Variants in FGD5 observed in about 807,000 individuals in gnomAD.
The protein encoded by FGD5 is FYVE, RhoGEF and PH domain containing 5, also known as FYVE, RhoGEF and PH domain-containing protein 5.
In FGD5, 28 loss-of-function variants were observed where a neutral mutation model predicts 133.4. That is an observed-to-expected ratio of 0.21 (90% CI 0.16 to 0.29). FGD5 has a LOEUF of 0.29. Ranked by LOEUF, FGD5 falls within the 10% of genes least tolerant of loss-of-function variation. The pLI is 1.00. For synonymous variants in FGD5, 810 were observed against 776.5 expected, an observed-to-expected ratio of 1.04 and a Z score of -0.72; for missense variants, 1,858 against 1,895.2, an observed-to-expected ratio of 0.98 and a Z score of 0.36.
intron 1 of FGD5, among the ~76,000 whole-genome samples, chr3:14,822,739 A>G (rs1203613464): frequency 6.6e-6 from 1 of 152,208 alleles, no homozygotes; most frequent in African/African-American, 2.4e-5. Flanking sequence ...GAGAAACAAA[A>G]GTGGTTGTGA....
At chr3:14,893,752 C>CTTT (rs138741627) in intron 4 of FGD5, among the ~76,000 whole-genome samples, 1,352 of 94,972 alleles carry the variant, frequency 0.014, 102 homozygotes, top group East Asian at 0.032. Context: ...TTTCTTTTTT[C>CTTT]TTTTTTTTTT....
At chr3:14,894,751 T>A (rs1266824746) in intron 4 of FGD5, among the ~76,000 whole-genome samples, 1 of 151,350 alleles carries the variant, frequency 6.6e-6, no homozygotes, top group African/African-American at 2.4e-5. Context: ...CCTCAAGTGA[T>A]CCTCCCAGTA....
At chr3:14,827,437 A>G (rs1033508710) in intron 1 of FGD5, among the ~76,000 whole-genome samples, 2 of 151,522 alleles carry the variant, frequency 1.3e-5, no homozygotes, top group Non-Finnish European at 2.9e-5. Flanking sequence ...GCCCGCCACC[A>G]TGGGTGGCTA....
intron 4 of FGD5, among the ~76,000 whole-genome samples, chr3:14,887,866 T>A (rs1392855305): frequency 6.6e-6 from 1 of 151,984 alleles, no homozygotes; most frequent in African/African-American, 2.4e-5. Flanking sequence ...TGGAGGTCAG[T>A]TAAGAATGGC....
intron 9 of FGD5, among the ~76,000 whole-genome samples, chr3:14,902,846 C>T (rs919759047): frequency 6.6e-5 from 10 of 152,226 alleles, no homozygotes; most frequent in Admixed American, 6.5e-4. Flanking sequence ...GGCAGGGATA[C>T]ATCTTCCCTC....
intron 9 of FGD5, among the ~76,000 whole-genome samples, chr3:14,902,281 T>TA (rs34728691): frequency 0.48 from 59,863 of 124,284 alleles, 14,714 homozygotes; most frequent in Non-Finnish European, 0.57. Context: ...GATTCCATCT[T>TA]AAAAAAAAAA....
At chr3:14,923,459 A>C in intron 16 of FGD5, 1 of 430,726 alleles carries the variant, frequency 2.3e-6, no homozygotes, top group Non-Finnish European at 4.3e-6. Flanking sequence ...GTCCTTTACC[A>C]TAGAGGCCCT....
At chr3:14,914,185 AAC>A (rs2038506326) in intron 11 of FGD5, among the ~76,000 whole-genome samples, 1 of 152,244 alleles carries the variant, frequency 6.6e-6, no homozygotes, top group Non-Finnish European at 1.5e-5. Flanking sequence ...ATGGTGAACA[AAC>A]ACACTTAGGA....
chr3:14,842,974 A>G (rs976963667), intron 1 of FGD5, among the ~76,000 whole-genome samples: 1 of 151,596 alleles, frequency 6.6e-6, no homozygotes, highest in African/African-American at 2.4e-5. Flanking sequence ...CCTCCTCCTC[A>G]CTGTTGAAAT....
rs2036476120 is a variant in FGD5 at position 14,820,699 on chromosome 3, C to T, written c.1628C>T (p.Ala543Val). The change falls in exon 1 of 20, where the codon GCC becomes GTC. Residue 543 changes from alanine to valine, a missense_variant. This residue lies in a region of FGD5 where 1,824 missense variants were observed against 1,848.9 expected (regional missense o/e 0.99). Transcript: ENST00000285046. Reference sequence around the variant, plus strand: ...AGGGCCTTGCCAGCAAAGCCCAGGGCCTTTACTTTATACCCTCGGTCGTTC... The same window carrying T: ...AGGGCCTTGCCAGCAAAGCCCAGGGTCTTTACTTTATACCCTCGGTCGTTC... The part of the protein sequence containing the change: ...ASRALPAKPR[A>V]FTLYPRSFSV... 1 of 1,593,738 alleles carries T rather than the reference C, an allele frequency of 6.3e-7. No individual in the cohort carries two copies. The highest frequency in any genetic ancestry group is 2.2e-5 in the East Asian group (1 of 44,764).
intron 17 of FGD5, 40 bp downstream of exon 17, chr3:14,924,178 T>A (rs1226754771): frequency 6.2e-7 from 1 of 1,613,520 alleles, no homozygotes; most frequent in Non-Finnish European, 8.5e-7. Flanking sequence ...AGTAGGGCAT[T>A]TGGAAGGTTC....
rs576612858 is a variant in FGD5 at position 14,897,364 on chromosome 3, G to A, written c.2749-145G>A. 10 of 920,676 alleles carry A rather than the reference G, an allele frequency of 1.1e-5. No homozygotes were observed. The South Asian group carries it at 1.7e-4, about 15-fold the overall frequency. 57.0% of individuals were successfully genotyped at this position (920,676 alleles called of 1,614,324 possible). ...GTGGTCATCTCTGCTTTGTAGGTGA[G>A]ACTGTTGGGTCTGGAGACACTGGCT... is the stretch of plus-strand genomic sequence containing the variant. On this transcript the variant is annotated intron_variant, in intron 4 of 19. Transcript: ENST00000285046.
intron 4 of FGD5, among the ~76,000 whole-genome samples, chr3:14,895,980 T>A (rs1376685848): frequency 6.6e-6 from 1 of 151,934 alleles, no homozygotes; most frequent in Admixed American, 6.6e-5. Flanking sequence ...AGCATTTCCA[T>A]ATACCCAAAG....
At position 14,820,237 on chromosome 3, in the gene FGD5, T is replaced by A; in HGVS notation, c.1166T>A (p.Met389Lys). The change falls in exon 1 of 20, where the codon ATG becomes AAG. Residue 389 changes from methionine (M) to lysine (K), a missense_variant. By Grantham distance (95) the Met-to-Lys change is moderately conservative (BLOSUM62 -1). This residue lies in a region of FGD5 where 1,824 missense variants were observed against 1,848.9 expected (regional missense o/e 0.99). Coordinates refer to ENST00000285046, the MANE Select transcript of FGD5 (RefSeq NM_152536.4). ...GGGCTGCGTGCGGAGGAGAACCCCA[T>A]GGTGGGGGCTTTGTGTGGCCAGTGT... Reference protein sequence around the residue: ...KLGLRAEENPMVGALCGQCGS... With the variant: ...KLGLRAEENPKVGALCGQCGS... The A allele has an allele frequency of 6.2e-7, 1 of 1,605,646 alleles. No homozygotes were observed. The highest frequency in any genetic ancestry group is 8.5e-7 in the Non-Finnish European group (1 of 1,175,034).
chr3:14,846,159 G>C (rs535647926), intron 1 of FGD5, among the ~76,000 whole-genome samples: 1 of 152,320 alleles, frequency 6.6e-6, no homozygotes, highest in South Asian at 2.1e-4. Context: ...GAACCCGTGT[G>C]GCTGGTGCAA....
intron 4 of FGD5, 127 bp downstream of exon 4, chr3:14,880,899 T>C: frequency 8.2e-7 from 1 of 1,217,938 alleles, no homozygotes; most frequent in Non-Finnish European, 1.2e-6. Flanking sequence ...AGGCAGGCAC[T>C]CACCGACGCT....
intron 9 of FGD5, among the ~76,000 whole-genome samples, chr3:14,904,243 G>A (rs2038295287): frequency 6.6e-6 from 1 of 152,134 alleles, no homozygotes; most frequent in African/African-American, 2.4e-5. Flanking sequence ...GGAGCGGGGG[G>A]TTATGCTCCC....
intron 4 of FGD5, among the ~76,000 whole-genome samples, chr3:14,881,189 G>A (rs1187433524): frequency 3.3e-5 from 5 of 152,088 alleles, no homozygotes; most frequent in Non-Finnish European, 7.4e-5. Context: ...AGCAGCTGAG[G>A]GTATCAAGAG....
intron 18 of FGD5, among the ~76,000 whole-genome samples, chr3:14,928,571 C>G (rs1166602202): frequency 6.6e-6 from 1 of 152,028 alleles, no homozygotes; most frequent in Non-Finnish European, 1.5e-5. Flanking sequence ...ATGGCAAAAC[C>G]TCGTCTCTAC....
Sources: gnomAD v4.1 joint callset for allele counts (sites outside exome capture counted in the v4.1 genomes callset) on GRCh38, gnomAD v4.1.1 for gene constraint, gnomAD v4.1.1 regional missense constraint, MANE v1.5 for transcripts, NCBI Gene and HGNC (gene_info 2026-07-23, HGNC 2026-07-21) for gene names.